The following ABCC2 variants were observed in gnomAD, a reference collection of about 807,000 sequenced individuals.
The protein encoded by ABCC2 is ATP-binding cassette sub-family C member 2.
A neutral mutation model predicts 173.4 loss-of-function variants in ABCC2; 157 were observed. That is an observed-to-expected ratio of 0.91 (90% confidence interval 0.80 to 1.03). The LOEUF (loss-of-function observed/expected upper bound fraction) is 1.03. Ranked by LOEUF, ABCC2 falls within the 50% of genes least tolerant of loss-of-function variation. The pLI is 0.00. For missense variants in ABCC2, 1,822 were observed against 1,852.3 expected (o/e 0.98, Z 0.30); for synonymous variants, 657 against 693.5 (o/e 0.95, Z 0.83).
chr10:99,786,083 C>A (rs149639742), intron 2 of ABCC2, among the ~76,000 whole-genome samples: 1 of 152,202 alleles, frequency 6.6e-6, no homozygotes, highest in East Asian at 1.9e-4. Flanking sequence ...CAGGACCTAG[C>A]ATGTTTCAAA....
At chr10:99,850,292 C>T (rs909747347) in intron 30 of ABCC2, among the ~76,000 whole-genome samples, 1 of 152,156 alleles carries the variant, frequency 6.6e-6, no homozygotes, top group Non-Finnish European at 1.5e-5. Context: ...CTTGTTTAAG[C>T]ATAAAAATGG....
chr10:99,813,149 G>A lies in ABCC2; in HGVS notation c.2094+5G>A, dbSNP rs757442418. On this transcript the variant is annotated splice_donor_5th_base_variant and intron_variant, in intron 16 of 31. Transcript: ENST00000647814. Reference sequence around the variant, plus strand: ...CACGGGCACATCACCATCAAGGTGAGAGGGAATGCCAATGCAAAAGCCTCT... The same window carrying A: ...CACGGGCACATCACCATCAAGGTGAAAGGGAATGCCAATGCAAAAGCCTCT... The A allele has an allele frequency of 2.5e-6, 4 of 1,613,252 alleles. No homozygotes were observed. The highest frequency in any genetic ancestry group is 2.2e-5 in the East Asian group (1 of 44,844).
chr10:99,794,551 A>ATTTTTTTTTTTTT, intron 6 of ABCC2, 83 bp downstream of exon 6: 1 of 1,274,154 alleles, frequency 7.8e-7, no homozygotes, highest in Non-Finnish European at 1.1e-6. Context: ...TTATTTTATT[A>ATTTTTTTTTTTTT]TTTTTTTTTT....
intron 2 of ABCC2, 81 bp downstream of exon 2, chr10:99,784,862 C>T: frequency 5.8e-6 from 9 of 1,552,264 alleles, no homozygotes; most frequent in Non-Finnish European, 5.3e-6. Context: ...GTGTTCTCTT[C>T]CTTGTCTTTA....
rs2038052037 is a variant in ABCC2 at position 99,803,895 on chromosome 10, T to A, written c.1210-124T>A. 9.4e-5 allele frequency: 120 copies of A among 1,282,938 alleles called. 1 individual carries two copies. In the South Asian group the frequency reaches 1.4e-3, roughly 15 times the overall value. 79.5% of individuals were successfully genotyped at this position (1,282,938 alleles called of 1,614,324 possible). On this transcript the variant is annotated intron_variant, in intron 9 of 31. Transcript: ENST00000647814. ...TTTGGAGGCAAGAAGTCACAGTGCC[T>A]TGGAGAAGCTGTGTCCATATGGAGC...
chr10:99,794,176 C>A (rs1237021415), intron 5 of ABCC2, among the ~76,000 whole-genome samples, 177 bp downstream of exon 5: 1 of 152,062 alleles, frequency 6.6e-6, no homozygotes, highest in East Asian at 1.9e-4. Flanking sequence ...CTTTTACTTT[C>A]ACCTACCAAT....
chr10:99,787,099 T>C (rs1410327434), intron 2 of ABCC2, among the ~76,000 whole-genome samples: 4 of 149,114 alleles, frequency 2.7e-5, no homozygotes, highest in Middle Eastern at 3.5e-3. Context: ...ACCCGGGAGG[T>C]GGAGGTTACA....
chr10:99,818,809 G>A lies in ABCC2; in HGVS notation c.2291G>A (p.Gly764Asp), dbSNP rs2038470660. 6.2e-7 allele frequency: 1 copy of A among 1,614,124 alleles called. No individual in the cohort carries two copies. The highest frequency in any genetic ancestry group is 8.5e-7 in the Non-Finnish European group (1 of 1,180,016). Residue 764 changes from glycine to aspartate, a missense_variant, in exon 18 of 32, where the codon GGT (glycine) becomes GAT (aspartate). Gly to Asp is a moderately conservative substitution (Grantham distance 94). Coordinates refer to ENST00000647814, the MANE Select transcript of ABCC2 (RefSeq NM_000392.5). ...CTTCAGGGTATAAATCTTAGTGGGG[G>A]TCAGAAGCAGCGGATCAGCCTGGCC... is the stretch of plus-strand genomic sequence containing the variant. ...IGEKGINLSG[G>D]QKQRISLARA...
Position 99,792,217 on chromosome 10 carries a change from T to G in ABCC2, c.208-17T>G. 6.2e-7 allele frequency: 1 copy of G among 1,613,806 alleles called. No individual in the cohort carries two copies. Among genetic ancestry groups the G allele is most frequent in the Non-Finnish European group, 8.5e-7 (1 of 1,179,786 alleles). ...AAGAATGATATCCTCTTAACAGTGG[T>G]CTTTTTCCCTTCTCAGGTATTCGTT... is the stretch of plus-strand genomic sequence containing the variant. On this transcript the variant is annotated splice_polypyrimidine_tract_variant and intron_variant, in intron 2 of 31. Transcript: ENST00000647814.
chr10:99,783,401 A>C (rs899868492), intron 1 of ABCC2, among the ~76,000 whole-genome samples: 3 of 152,208 alleles, frequency 2.0e-5, no homozygotes, highest in African/African-American at 7.2e-5. Context: ...AAGGAAAAGA[A>C]GAGACACCAC....
At position 99,797,102 on chromosome 10, in the gene ABCC2, T is replaced by A. The variant is rs1465538873; in HGVS notation, c.638T>A (p.Ile213Asn). 2.2e-5 allele frequency: 36 copies of A among 1,613,900 alleles called. No individual in the cohort carries two copies. Among genetic ancestry groups the A allele is most frequent in the Non-Finnish European group, 2.8e-5 (33 of 1,179,946 alleles). Reference sequence around the variant, plus strand: ...GTGGTTCGCTCTTGTTCCAGCATCATTCTGAAAGGCTACAAGCGTCCTCTG... The same window carrying A: ...GTGGTTCGCTCTTGTTCCAGCATCAATCTGAAAGGCTACAAGCGTCCTCTG... ...SITYSWYDSIILKGYKRPLTL... is the reference protein window; with the variant it reads ...SITYSWYDSINLKGYKRPLTL... The change falls in exon 7 of 32, where the codon ATT becomes AAT. Residue 213 changes from isoleucine (I) to asparagine (N), a missense_variant. Physicochemically the swap from Ile to Asn is moderately radical, Grantham distance 149. Coordinates refer to ENST00000647814, the MANE Select transcript of ABCC2 (RefSeq NM_000392.5).
chr10:99,794,537 T>C (rs1014497939), intron 6 of ABCC2, 69 bp downstream of exon 6: 1 of 1,444,756 alleles, frequency 6.9e-7, no homozygotes, highest in Non-Finnish European at 9.6e-7. Context: ...GTCAGAAAGA[T>C]TTTTTATTTT....
At chr10:99,812,458 T>C (rs546079032) in intron 15 of ABCC2, among the ~76,000 whole-genome samples, 7 of 152,286 alleles carry the variant, frequency 4.6e-5, no homozygotes, top group Admixed American at 2.0e-4. Flanking sequence ...ACCTATCCCA[T>C]TGTGGGCCCC....
chr10:99,827,449 A>AT (rs1383543591), intron 19 of ABCC2, among the ~76,000 whole-genome samples: 11 of 151,928 alleles, frequency 7.2e-5, no homozygotes, highest in Non-Finnish European at 1.3e-4. Flanking sequence ...TCTTTCTGGG[A>AT]TTTTTTCCTT....
At chr10:99,843,143 C>T (rs2038971021) in intron 26 of ABCC2, among the ~76,000 whole-genome samples, 1 of 152,162 alleles carries the variant, frequency 6.6e-6, no homozygotes, top group East Asian at 1.9e-4. Flanking sequence ...CACTTAGTTC[C>T]TTGTGTCACT....
intron 3 of ABCC2, among the ~76,000 whole-genome samples, chr10:99,792,611 C>T (rs973193478): frequency 2.6e-5 from 4 of 152,206 alleles, no homozygotes; most frequent in East Asian, 1.9e-4. Context: ...ATCTTATGTC[C>T]GCACATCTTG....
chr10:99,845,882 C>A, intron 29 of ABCC2, 100 bp downstream of exon 29: 1 of 1,295,342 alleles, frequency 7.7e-7, no homozygotes. Context: ...TCAGCACTGT[C>A]AATTCCACGG....
In ABCC2 at chr10:99,831,698, G is replaced by A. The variant is rs1254067008; in HGVS notation, c.2971G>A (p.Val991Met). Residue 991 changes from valine (V) to methionine (M), a missense_variant, in exon 22 of 32, where the codon GTG becomes ATG. Transcript: ENST00000647814. ...FIILAFVMNSVAFIGSNLWLS... is the reference protein window; with the variant it reads ...FIILAFVMNSMAFIGSNLWLS... ...CATCCTTGCGTTTGTGATGAATTCT[G>A]TGGCTTTTATTGGATCCAACCTCTG... 6.2e-7 allele frequency: 1 copy of A among 1,614,204 alleles called. No individual in the cohort carries two copies. The highest frequency in any genetic ancestry group is 1.1e-5 in the South Asian group (1 of 91,084).
In ABCC2 at chr10:99,836,255, C is replaced by G. The variant is rs745380673; in HGVS notation, c.3579C>G (p.Asn1193Lys). Reference protein sequence around the residue: ...LKHNEVRIDTNQKCVFSWITS... With the variant: ...LKHNEVRIDTKQKCVFSWITS... ...ACAATGAGGTGAGGATTGACACCAA[C>G]CAGAAATGTGTCTTTTCCTGGATCA... The change falls in exon 25 of 32, where the codon AAC becomes AAG. Residue 1193 changes from asparagine (N) to lysine (K), a missense_variant. Physicochemically the swap from Asn to Lys is moderately conservative, Grantham distance 94 (BLOSUM62 0). Coordinates refer to ENST00000647814, the MANE Select transcript of ABCC2 (RefSeq NM_000392.5). 1 of 1,614,202 alleles carries G rather than the reference C, an allele frequency of 6.2e-7. No homozygotes were observed. Among genetic ancestry groups the G allele is most frequent in the Non-Finnish European group, 8.5e-7 (1 of 1,180,040 alleles).
Sources: gnomAD v4.1 joint callset for allele counts (sites outside exome capture counted in the v4.1 genomes callset) on GRCh38, gnomAD v4.1.1 for gene constraint, MANE v1.5 for transcripts, NCBI Gene and HGNC (gene_info 2026-07-23, HGNC 2026-07-21) for gene names.